NET1: variants seen among roughly 807,000 people sequenced by gnomAD.
The protein encoded by NET1 is neuroepithelial cell transforming 1, also known as neuroepithelial cell-transforming gene 1 protein.
NET1 carries 42 observed loss-of-function variants against 61.1 expected under a neutral mutation model. The observed-to-expected ratio is 0.69, with a 90% CI of 0.54 to 0.89. The LOEUF (loss-of-function observed/expected upper bound fraction) is 0.89. NET1 is among the 40% of genes least tolerant of loss of function. The probability of loss-of-function intolerance (pLI) is 0.00; values close to 1 mark genes in which losing one functional copy is unlikely to be tolerated. For synonymous variants in NET1, 254 were observed against 281.8 expected (o/e 0.90, Z 0.99); for missense variants, 654 against 747.3 (o/e 0.88, Z 1.46).
rs774703051 is a variant in NET1, at chr10:5,456,871, T to C, written c.1668T>C (p.Cys556=). 23 of 1,614,046 alleles carry C rather than the reference T, an allele frequency of 1.4e-5. No homozygotes were observed. In the South Asian group the frequency reaches 2.2e-4, roughly 15 times the overall value. ...AAGTTGATGAAAACGCTTACAGATG[T>C]GGCTCTGGCATGCAGATGGCAGAGG... ...QVEVDENAYR[C]GSGMQMAEDS... The change falls in exon 12 of 12, where the codon TGT becomes TGC. Residue 556 remains cysteine (C), a synonymous_variant. Coordinates refer to ENST00000355029, the MANE Select transcript of NET1 (RefSeq NM_001047160.3). The surrounding 1 kb of genome is among the most constrained non-coding windows in gnomAD (Gnocchi z 7.0).
chr10:5,417,335 A>T lies in NET1; in HGVS notation c.128+4515A>T, dbSNP rs987669925. 6.6e-6 allele frequency among the ~76,000 whole-genome samples: 1 copy of T among 151,942 alleles called. No homozygotes were observed. Among genetic ancestry groups the T allele is most frequent in the African/African-American group, 2.4e-5 (1 of 41,358 alleles). On this transcript the variant is annotated intron_variant, in intron 1 of 11. Transcript: ENST00000355029. This position sits in a 1 kb window ranked among gnomAD's most constrained non-coding sequence, Gnocchi z 5.5. ...CCAGGGTGGTCTTGGGAAATGCAAC[A>T]TTTGGGTAGGAAAACAGAAATGCCT...
Position 5,446,850 on chromosome 10 carries a change from G to A in NET1, c.256-4980G>A. On this transcript the variant is annotated intron_variant, in intron 3 of 11. Transcript: ENST00000355029. This position sits in a 1 kb window ranked among gnomAD's most constrained non-coding sequence, Gnocchi z 5.0. Reference sequence around the variant, plus strand: ...AGATGTCAATAACCAGTCCTTCAGAGAACAAGAGGTAAGACTTTAAGAGAA... The same window carrying A: ...AGATGTCAATAACCAGTCCTTCAGAAAACAAGAGGTAAGACTTTAAGAGAA... 1 of 1,607,690 alleles carries A rather than the reference G, an allele frequency of 6.2e-7. No individual in the cohort carries two copies. The highest frequency in any genetic ancestry group is 8.5e-7 in the Non-Finnish European group (1 of 1,176,204).
At position 5,454,253 on chromosome 10, in the gene NET1, A is replaced by G. The variant is rs1487502293; in HGVS notation, c.769-12A>G. The G allele has an allele frequency of 1.9e-6, 3 of 1,605,370 alleles. No homozygotes were observed. The highest frequency in any genetic ancestry group is 2.5e-6 in the Non-Finnish European group (3 of 1,177,238). Reference sequence around the variant, plus strand: ...AGGAACACATCATACCTTTTCTTTTATTACTCTTCAGTTACCGCGCTTGAA... The same window carrying G: ...AGGAACACATCATACCTTTTCTTTTGTTACTCTTCAGTTACCGCGCTTGAA... On this transcript the variant is annotated splice_polypyrimidine_tract_variant and intron_variant, in intron 8 of 11. Transcript: ENST00000355029. This position sits in a 1 kb window ranked among gnomAD's most constrained non-coding sequence, Gnocchi z 8.1.
chr10:5,428,916 T>A (rs1211636986), intron 2 of NET1, among the ~76,000 whole-genome samples: 1 of 148,222 alleles, frequency 6.7e-6, no homozygotes, highest in Non-Finnish European at 1.5e-5. Context: ...GGATTTTTAG[T>A]AGAGACAGGG....
At position 5,424,457 on chromosome 10, in the gene NET1, T is replaced by C. The variant is rs1832227521; in HGVS notation, c.129-2198T>C. On this transcript the variant is annotated intron_variant, in intron 1 of 11. Transcript: ENST00000355029. This position sits in a 1 kb window ranked among gnomAD's most constrained non-coding sequence, Gnocchi z 6.1. ...AATCCTATGTATTTCTTGATACAAA[T>C]TATAATTTATTTCAGATGACTTTTT... 6.6e-6 allele frequency among the ~76,000 whole-genome samples: 1 copy of C among 152,208 alleles called. No individual in the cohort carries two copies. The highest frequency in any genetic ancestry group is 6.5e-5 in the Admixed American group (1 of 15,278).
chr10:5,443,338 A>T lies in NET1; in HGVS notation c.256-8492A>T, dbSNP rs1214778888. Among the ~76,000 whole-genome samples, 1 of 152,230 alleles carries T rather than the reference A, an allele frequency of 6.6e-6. No individual in the cohort carries two copies. The highest frequency in any genetic ancestry group is 2.4e-5 in the African/African-American group (1 of 41,446). ...AATAAGTACTTCATAGAGTTGATTA[A>T]GATAACATGTATAAAGCTCTAGCAC... On this transcript the variant is annotated intron_variant, in intron 3 of 11. Transcript: ENST00000355029. The surrounding 1 kb of genome is among the most constrained non-coding windows in gnomAD (Gnocchi z 4.8).
intron 3 of NET1, among the ~76,000 whole-genome samples, chr10:5,448,826 G>A (rs892781572): frequency 6.6e-6 from 1 of 152,098 alleles, no homozygotes; most frequent in Non-Finnish European, 1.5e-5. Context: ...TGGTGGTGGT[G>A]AGATAGAAAG....
In NET1 at chr10:5,453,590, A is replaced by G. The variant is rs745798311; in HGVS notation, c.768+30A>G. ...GTAGTGAGTTGTTGACCCCAGATAC[A>G]GTTTCTTACAGATGTGCCATGTTGC... is the stretch of plus-strand genomic sequence containing the variant. On this transcript the variant is annotated intron_variant, in intron 8 of 11. Coordinates refer to ENST00000355029, the MANE Select transcript of NET1 (RefSeq NM_001047160.3). This position sits in a 1 kb window ranked among gnomAD's most constrained non-coding sequence, Gnocchi z 4.9. The G allele has an allele frequency of 5.1e-6, 8 of 1,577,602 alleles. No homozygotes were observed. The African/African-American group carries it at 6.7e-5, about 13-fold the overall frequency.
rs963645439 is a variant in NET1, at chr10:5,417,142, G to C, written c.128+4322G>C. ...CTGGCCAAGCTCTGCGTCATTCTGC[G>C]AATCGATGGCCTGCCAGCTGGCCTG... is the stretch of plus-strand genomic sequence containing the variant. On this transcript the variant is annotated intron_variant, in intron 1 of 11. Transcript: ENST00000355029. The surrounding 1 kb of genome is among the most constrained non-coding windows in gnomAD (Gnocchi z 5.5). 8.7e-5 allele frequency among the ~76,000 whole-genome samples: 13 copies of C among 148,694 alleles called. No homozygotes were observed. The East Asian group carries it at 2.5e-3, about 29-fold the overall frequency.
At position 5,417,468 on chromosome 10, in the gene NET1, C is replaced by G. The variant is rs2119163744; in HGVS notation, c.128+4648C>G. 6.6e-6 allele frequency among the ~76,000 whole-genome samples: 1 copy of G among 152,306 alleles called. No homozygotes were observed. The highest frequency in any genetic ancestry group is 2.1e-4 in the South Asian group (1 of 4,824). On this transcript the variant is annotated intron_variant, in intron 1 of 11. Coordinates refer to ENST00000355029, the MANE Select transcript of NET1 (RefSeq NM_001047160.3). The surrounding 1 kb of genome is among the most constrained non-coding windows in gnomAD (Gnocchi z 5.5). Reference sequence around the variant, plus strand: ...GCCCCGCTTTGTATCACTTTATTTTCAGTTTAATAATTTCAATTGTATAGG... The same window carrying G: ...GCCCCGCTTTGTATCACTTTATTTTGAGTTTAATAATTTCAATTGTATAGG...
Position 5,456,701 on chromosome 10 carries a change from A to T in NET1, c.1498A>T (p.Ile500Phe), listed in dbSNP as rs1043593176. 2.5e-6 allele frequency: 4 copies of T among 1,613,926 alleles called. No individual in the cohort carries two copies. The highest frequency in any genetic ancestry group is 3.4e-6 in the Non-Finnish European group (4 of 1,180,012). Residue 500 changes from isoleucine (I) to phenylalanine (F), a missense_variant, in exon 12 of 12, where the codon ATT becomes TTT. Physicochemically the swap from Ile to Phe is conservative, Grantham distance 21. Transcript: ENST00000355029. The surrounding 1 kb of genome is among the most constrained non-coding windows in gnomAD (Gnocchi z 7.0). ...QQWFNCIRAA[I>F]APFQSAGSPP... ...GTGGTTCAACTGTATTCGAGCGGCC[A>T]TTGCCCCCTTCCAGTCGGCAGGCAG... is the stretch of plus-strand genomic sequence containing the variant.
At position 5,449,118 on chromosome 10, in the gene NET1, A is replaced by G. The variant is rs1372197375; in HGVS notation, c.256-2712A>G. On this transcript the variant is annotated intron_variant, in intron 3 of 11. Transcript: ENST00000355029. The surrounding 1 kb of genome is among the most constrained non-coding windows in gnomAD (Gnocchi z 4.4). ...TCACTTTTCCACAGAAGTTTCATGTATGAGTCTGTTTTCAAATAGTATATG... is the reference window on the plus strand; with the variant it reads ...TCACTTTTCCACAGAAGTTTCATGTGTGAGTCTGTTTTCAAATAGTATATG... Among the ~76,000 whole-genome samples, 2 of 152,194 alleles carry G rather than the reference A, an allele frequency of 1.3e-5. No homozygotes were observed. Among genetic ancestry groups the G allele is most frequent in the Non-Finnish European group, 2.9e-5 (2 of 68,042 alleles).
At chr10:5,429,351 T>C in intron 3 of NET1, 122 bp downstream of exon 3, 1 of 700,548 alleles carries the variant, frequency 1.4e-6, no homozygotes, top group South Asian at 1.8e-5. Flanking sequence ...TTTTGCATTT[T>C]GTAAGTGCAA....
rs1832342725 is a variant in NET1, at chr10:5,431,065, G to T, written c.255+1836G>T. On this transcript the variant is annotated intron_variant, in intron 3 of 11. Coordinates refer to ENST00000355029, the MANE Select transcript of NET1 (RefSeq NM_001047160.3). The surrounding 1 kb of genome is among the most constrained non-coding windows in gnomAD (Gnocchi z 4.9). ...TTTTTGTATTTTCAGTAGAGACGGG[G>T]TTTCACCGTGTTAGCCAGGATGGTC... Among the ~76,000 whole-genome samples, 1 of 151,460 alleles carries T rather than the reference G, an allele frequency of 6.6e-6. No homozygotes were observed. Among genetic ancestry groups the T allele is most frequent in the South Asian group, 2.1e-4 (1 of 4,764 alleles).
chr10:5,458,283 G>T lies in NET1; in HGVS notation c.*1289G>T, dbSNP rs909188151. On this transcript the variant is annotated 3_prime_UTR_variant, in exon 12 of 12. Coordinates refer to ENST00000355029, the MANE Select transcript of NET1 (RefSeq NM_001047160.3). The surrounding 1 kb of genome is among the most constrained non-coding windows in gnomAD (Gnocchi z 4.5). The stretch of plus-strand genomic sequence containing the variant: ...AAAATGGGATCATCATCTTTGAAAG[G>T]GGGGAGGAGGAGTAAAAGCCCGATT... 2.6e-5 allele frequency: 4 copies of T among 152,490 alleles called. No homozygotes were observed. Among genetic ancestry groups the T allele is most frequent in the East Asian group, 3.9e-4 (2 of 5,182 alleles). The allele number at this position is 152,490 out of a possible 1,614,324, so 9.4% of individuals were successfully genotyped here.
rs555372005 is a variant in NET1, at chr10:5,441,038, TGAAA to T, written c.256-10789_256-10786del. Among the ~76,000 whole-genome samples, 277 of 152,206 alleles carry T rather than the reference TGAAA, an allele frequency of 1.8e-3. No homozygotes were observed. The highest frequency in any genetic ancestry group is 6.5e-3 in the African/African-American group (270 of 41,536). On this transcript the variant is annotated intron_variant, in intron 3 of 11. Coordinates refer to ENST00000355029, the MANE Select transcript of NET1 (RefSeq NM_001047160.3). This position sits in a 1 kb window ranked among gnomAD's most constrained non-coding sequence, Gnocchi z 4.6. ...GATCCCAGGGAACAAGCTGGAGAAGTGAAAGAGAGGAGGCCCGTGCAGTGTCTAA... is the reference window on the plus strand; with the variant it reads ...GATCCCAGGGAACAAGCTGGAGAAGTGAGAGGAGGCCCGTGCAGTGTCTAA...
At position 5,426,890 on chromosome 10, in the gene NET1, G is replaced by A. The variant is rs1031761437; in HGVS notation, c.195+169G>A. ...TTTAGTCCTTTTCTGCTAACAAGCTGTAATAACTTTTTGTTTCAAGTAAAT... is the reference window on the plus strand; with the variant it reads ...TTTAGTCCTTTTCTGCTAACAAGCTATAATAACTTTTTGTTTCAAGTAAAT... On this transcript the variant is annotated intron_variant, in intron 2 of 11. Transcript: ENST00000355029. The surrounding 1 kb of genome is among the most constrained non-coding windows in gnomAD (Gnocchi z 4.6). 3.3e-5 allele frequency among the ~76,000 whole-genome samples: 5 copies of A among 152,074 alleles called. No homozygotes were observed. The highest frequency in any genetic ancestry group is 6.5e-5 in the Admixed American group (1 of 15,280).
rs981857242 is a variant in NET1, at chr10:5,427,947, A to G, written c.196-1223A>G. On this transcript the variant is annotated intron_variant, in intron 2 of 11. Transcript: ENST00000355029. The surrounding 1 kb of genome is among the most constrained non-coding windows in gnomAD (Gnocchi z 4.1). ...TTCAGATAGCTTTTCTGACTTCACAACCCTCCTTCGTGTTGTTTTTTATGG... is the reference window on the plus strand; with the variant it reads ...TTCAGATAGCTTTTCTGACTTCACAGCCCTCCTTCGTGTTGTTTTTTATGG... 6.6e-6 allele frequency among the ~76,000 whole-genome samples: 1 copy of G among 150,844 alleles called. No individual in the cohort carries two copies. The highest frequency in any genetic ancestry group is 1.5e-5 in the Non-Finnish European group (1 of 67,824).
Position 5,415,509 on chromosome 10 carries a change from G to A in NET1, c.128+2689G>A, listed in dbSNP as rs1254330990. 1.3e-5 allele frequency among the ~76,000 whole-genome samples: 2 copies of A among 150,188 alleles called. No homozygotes were observed. The highest frequency in any genetic ancestry group is 2.5e-5 in the African/African-American group (1 of 40,734). ...GGCTGGAGTACAGTGGCATGATCTC[G>A]GCTCACTGCAACCTCCGCCTCCCGG... On this transcript the variant is annotated intron_variant, in intron 1 of 11. Transcript: ENST00000355029. This position sits in a 1 kb window ranked among gnomAD's most constrained non-coding sequence, Gnocchi z 4.7.
Sources: allele counts gnomAD v4.1 joint callset (sites outside exome capture counted in the v4.1 genomes callset), GRCh38; gene constraint gnomAD v4.1.1; non-coding constraint Gnocchi (gnomAD v3.1); transcripts MANE v1.5; gene names NCBI Gene and HGNC (gene_info 2026-07-23, HGNC 2026-07-21).